THNSL1: variants seen among roughly 807,000 people sequenced by gnomAD.
THNSL1 encodes the protein threonine synthase like 1, also known as threonine synthase-like 1.
THNSL1 carries 48 observed loss-of-function variants against 50.4 expected under a neutral mutation model. The ratio of observed to expected loss-of-function variants is 0.95; its 90% CI spans 0.76 to 1.21. The LOEUF (loss-of-function observed/expected upper bound fraction) is 1.21, where lower values mean the gene tolerates loss of function less well. Among genes scored for constraint, THNSL1 ranks in the 50% most tolerant of loss-of-function variants. The pLI, the probability that THNSL1 is intolerant of heterozygous loss-of-function variation, is 0.00. For missense variants in THNSL1, 896 were observed against 871.7 expected, an observed-to-expected ratio of 1.03 and a Z score of -0.35; for synonymous variants, 309 against 306.1, an observed-to-expected ratio of 1.01 and a Z score of -0.10.
rs560409060 is a variant in THNSL1, at chr10:25,021,102, A to G, written c.-215-640A>G. 3.3e-5 allele frequency among the ~76,000 whole-genome samples: 5 copies of G among 152,274 alleles called. No homozygotes were observed. In the South Asian group the frequency reaches 6.2e-4, roughly 19 times the overall value. ...CACGGTATTCTCTGAAGGTTTATAAACCAAACCATAAAAAAAATGCACCCT... is the reference window on the plus strand; with the variant it reads ...CACGGTATTCTCTGAAGGTTTATAAGCCAAACCATAAAAAAAATGCACCCT... On this transcript the variant is annotated intron_variant, in intron 1 of 2. Coordinates refer to ENST00000376356, the MANE Select transcript of THNSL1 (RefSeq NM_024838.5).
At chr10:24,996,873 A>G in the THNSL1 span, among the ~76,000 whole-genome samples, 1 of 152,194 alleles carries the variant, frequency 6.6e-6, no homozygotes, top group Admixed American at 6.5e-5. Context: ...ATATAACTGT[A>G]TTTGTAGAAA....
the THNSL1 span, among the ~76,000 whole-genome samples, chr10:24,980,048 A>C: frequency 2.0e-5 from 3 of 152,214 alleles, no homozygotes; most frequent in African/African-American, 7.2e-5. Context: ...GATCTGTGCC[A>C]CTATCTTCTT....
At chr10:24,988,664 GTATATATATATATATATATATATATA>G in the THNSL1 span, among the ~76,000 whole-genome samples, 270 of 98,876 alleles carry the variant, frequency 2.7e-3, 3 homozygotes, top group African/African-American at 7.3e-3. Flanking sequence ...CACAGCATAT[GTATATATATATATATATATATATATA>G]TATATATATA....
the THNSL1 span, among the ~76,000 whole-genome samples, chr10:24,987,866 T>C: frequency 1.3e-5 from 2 of 152,100 alleles, no homozygotes; most frequent in Non-Finnish European, 2.9e-5. Flanking sequence ...ACAGTATCCC[T>C]CTGGCTGGAA....
the THNSL1 span, among the ~76,000 whole-genome samples, chr10:24,974,106 T>A: frequency 3.4e-4 from 51 of 152,152 alleles, no homozygotes; most frequent in Non-Finnish European, 6.3e-4. Flanking sequence ...AAGCACAGTA[T>A]GATATTAGAA....
chr10:24,966,128 C>T, the THNSL1 span, among the ~76,000 whole-genome samples: 2 of 152,236 alleles, frequency 1.3e-5, no homozygotes, highest in Admixed American at 1.3e-4. Flanking sequence ...CACCTCCCTC[C>T]TGAAGAATAA....
the THNSL1 span, among the ~76,000 whole-genome samples, chr10:24,956,993 C>T: frequency 9.2e-5 from 14 of 152,178 alleles, no homozygotes; most frequent in Admixed American, 2.0e-4. Context: ...ACAGTTTCAT[C>T]CTGAAACCAT....
At position 25,025,261 on chromosome 10, in the gene THNSL1, A is replaced by G. The variant is rs1242856420; in HGVS notation, c.2038A>G (p.Lys680Glu). ...KFAPAIMQALKIKEINETSSS... is the reference protein window; with the variant it reads ...KFAPAIMQALEIKEINETSSS... ...TGCACCTGCTATCATGCAGGCTTTA[A>G]AGATTAAAGAAATCAATGAGACTTC... The change falls in exon 3 of 3, where the codon AAG becomes GAG. Residue 680 changes from lysine to glutamate, a missense_variant. Physicochemically the swap from Lys to Glu is moderately conservative, Grantham distance 56 (BLOSUM62 1). Transcript: ENST00000376356. 1.9e-6 allele frequency: 3 copies of G among 1,614,218 alleles called. No individual in the cohort carries two copies. Among genetic ancestry groups the G allele is most frequent in the East Asian group, 4.5e-5 (2 of 44,882 alleles).
chr10:24,999,483 T>C, the THNSL1 span: 1 of 1,613,254 alleles, frequency 6.2e-7, no homozygotes, highest in Non-Finnish European at 8.5e-7. Flanking sequence ...GTCCCATAGT[T>C]TTCATTGCAG....
chr10:24,959,678 AC>A, the THNSL1 span, among the ~76,000 whole-genome samples: 2 of 151,640 alleles, frequency 1.3e-5, no homozygotes, highest in Non-Finnish European at 2.9e-5. Context: ...CGTTTCCCAA[AC>A]TTTTTTTTTT....
At chr10:24,978,222 C>CA in the THNSL1 span, among the ~76,000 whole-genome samples, 2 of 151,572 alleles carry the variant, frequency 1.3e-5, no homozygotes, top group Non-Finnish European at 2.9e-5. Context: ...TGTAGAAAGA[C>CA]AAAAAAATGC....
chr10:24,993,578 T>C, the THNSL1 span, among the ~76,000 whole-genome samples: 1 of 152,250 alleles, frequency 6.6e-6, no homozygotes, highest in Non-Finnish European at 1.5e-5. Context: ...TATAAAAATA[T>C]GACATTGACT....
At chr10:24,989,005 C>T in the THNSL1 span, among the ~76,000 whole-genome samples, 1 of 151,912 alleles carries the variant, frequency 6.6e-6, no homozygotes, top group Non-Finnish European at 1.5e-5. Context: ...CAAAGGGTAA[C>T]TCTGTAGCGA....
the THNSL1 span, among the ~76,000 whole-genome samples, chr10:24,994,963 G>A: frequency 1.9e-4 from 29 of 152,270 alleles, no homozygotes; most frequent in African/African-American, 5.8e-4. Flanking sequence ...GGAAGTTGCA[G>A]TGAGCTGAGA....
the THNSL1 span, among the ~76,000 whole-genome samples, chr10:24,964,370 C>T: frequency 1.2e-4 from 18 of 152,088 alleles, no homozygotes; most frequent in Non-Finnish European, 2.4e-4. Flanking sequence ...ATGGGAATAA[C>T]GAGAGAAAAG....
the THNSL1 span, among the ~76,000 whole-genome samples, chr10:24,967,579 C>T: frequency 3.3e-5 from 5 of 152,060 alleles, no homozygotes; most frequent in Admixed American, 6.6e-5. Context: ...TCATCAGTCT[C>T]GCTGTAATCC....
Position 25,025,634 on chromosome 10 carries a change from T to C in THNSL1, c.*179T>C. ...ACTCCATGTCACCTCCTCAGATCTTTAATCTGGAAGTGACAAAAGGTAACA... is the reference window on the plus strand; with the variant it reads ...ACTCCATGTCACCTCCTCAGATCTTCAATCTGGAAGTGACAAAAGGTAACA... On this transcript the variant is annotated 3_prime_UTR_variant, in exon 3 of 3. Coordinates refer to ENST00000376356, the MANE Select transcript of THNSL1 (RefSeq NM_024838.5). 2 of 632,048 alleles carry C rather than the reference T, an allele frequency of 3.2e-6. No individual in the cohort carries two copies. Among genetic ancestry groups the C allele is most frequent in the Non-Finnish European group, 5.5e-6 (2 of 363,308 alleles). 39.2% of individuals were successfully genotyped at this position (632,048 alleles called of 1,614,324 possible). A position where few individuals can be genotyped will look rare whatever the true frequency, so the allele number is the denominator to read the frequency against.
intron 2 of THNSL1, 57 bp from the exon 3 acceptor site, chr10:25,023,119 G>T: frequency 9.0e-7 from 1 of 1,105,748 alleles, no homozygotes; most frequent in South Asian, 1.6e-5. Flanking sequence ...ACAATCTACT[G>T]TAATTAGTAA....
chr10:24,994,793 G>A, the THNSL1 span, among the ~76,000 whole-genome samples: 2 of 151,984 alleles, frequency 1.3e-5, no homozygotes, highest in East Asian at 3.9e-4. Context: ...AGGCTGAGGT[G>A]GGTGGATCAC....
Sources: allele counts gnomAD v4.1 joint callset (sites outside exome capture counted in the v4.1 genomes callset), GRCh38; gene constraint gnomAD v4.1.1; transcripts MANE v1.5; gene names NCBI Gene and HGNC (gene_info 2026-07-23, HGNC 2026-07-21).